The following PCLO variants were observed in gnomAD, a reference collection of about 807,000 sequenced individuals.
The protein encoded by PCLO is piccolo presynaptic cytomatrix protein, also known as protein piccolo.
PCLO carries 82 observed loss-of-function variants against 427.5 expected under a neutral mutation model. That is an observed-to-expected ratio of 0.19 (90% CI 0.16 to 0.23). The LOEUF (loss-of-function observed/expected upper bound fraction) is 0.23, where lower values mean the gene tolerates loss of function less well. PCLO is among the 10% of genes least tolerant of loss of function. PCLO has a pLI of 1.00. For missense variants in PCLO, 6,239 were observed against 6,115.9 expected (o/e 1.02, Z -0.67); for synonymous variants, 2,357 against 2,155.4 (o/e 1.09, Z -2.59).
At chr7:83,037,151 C>T (rs1021430068) in intron 3 of PCLO, among the ~76,000 whole-genome samples, 2 of 152,100 alleles carry the variant, frequency 1.3e-5, no homozygotes, top group African/African-American at 4.8e-5. Flanking sequence ...AGCAGTTAAG[C>T]AAACCAGTTT....
chr7:82,788,488 T>C (rs565714443), intron 22 of PCLO, among the ~76,000 whole-genome samples: 1 of 152,110 alleles, frequency 6.6e-6, no homozygotes, highest in South Asian at 2.1e-4. Context: ...TATAGCAACA[T>C]TTAAGTCTTC....
intron 3 of PCLO, among the ~76,000 whole-genome samples, chr7:83,084,149 A>G (rs1790172591): frequency 6.6e-6 from 1 of 152,158 alleles, no homozygotes. Context: ...AGAAATTCAT[A>G]CATGAAGATG....
At chr7:83,016,502 T>A (rs1788211105) in intron 3 of PCLO, among the ~76,000 whole-genome samples, 1 of 152,032 alleles carries the variant, frequency 6.6e-6, no homozygotes. Context: ...CATTAAAGAA[T>A]GTGTCTTTTG....
chr7:82,807,979 A>G (rs963942657), intron 20 of PCLO, among the ~76,000 whole-genome samples: 3 of 152,026 alleles, frequency 2.0e-5, no homozygotes, highest in Admixed American at 1.3e-4. Flanking sequence ...AAAACTTCTT[A>G]AAAGAATAAT....
chr7:82,843,695 C>G (rs375292728), intron 13 of PCLO, among the ~76,000 whole-genome samples: 1 of 145,396 alleles, frequency 6.9e-6, no homozygotes. Flanking sequence ...GACAGAGTCT[C>G]ACTCTGTCCC....
At chr7:82,868,288 C>T (rs1442254968) in intron 10 of PCLO, 1 of 449,432 alleles carries the variant, frequency 2.2e-6, no homozygotes, top group Non-Finnish European at 4.5e-6. Flanking sequence ...CGTCCTCTGT[C>T]CTCTAGTAAT....
intron 4 of PCLO, among the ~76,000 whole-genome samples, chr7:82,962,157 T>C (rs1204832258): frequency 3.3e-5 from 5 of 152,164 alleles, no homozygotes; most frequent in African/African-American, 1.2e-4. Flanking sequence ...ACCCTAAATA[T>C]AGAACGTGCT....
intron 6 of PCLO, among the ~76,000 whole-genome samples, chr7:82,944,113 C>T (rs1442415101): frequency 1.5e-5 from 2 of 137,076 alleles, no homozygotes; most frequent in African/African-American, 5.7e-5. Context: ...TACACTCCAG[C>T]CTGGGCAACG....
intron 3 of PCLO, among the ~76,000 whole-genome samples, chr7:83,012,097 C>T (rs73387653): frequency 0.022 from 3,406 of 152,024 alleles, 139 homozygotes; most frequent in African/African-American, 0.078. Context: ...CCACTGTTCA[C>T]AAACTCAAAG....
intron 6 of PCLO, among the ~76,000 whole-genome samples, chr7:82,923,205 G>T (rs550889596): frequency 6.6e-6 from 1 of 152,078 alleles, no homozygotes; most frequent in East Asian, 1.9e-4. Context: ...TTAAAGAATG[G>T]ATGGTATTTA....
chr7:83,097,305 G>A lies in PCLO; in HGVS notation c.3300+36945C>T, dbSNP rs568963300. Among the ~76,000 whole-genome samples the A allele has an allele frequency of 2.5e-4, 35 of 142,360 alleles. No homozygotes were observed. In the South Asian group the frequency reaches 5.6e-3, roughly 23 times the overall value. 93.4% of individuals were successfully genotyped at this position (142,360 alleles called of 152,430 possible). A position where few individuals can be genotyped will look rare whatever the true frequency, so the allele number is the denominator to read the frequency against. On this transcript the variant is annotated intron_variant, in intron 3 of 24. Transcript: ENST00000333891. The stretch of plus-strand genomic sequence containing the variant: ...TGGGAGGCTGAGGTGGGCGGATCAC[G>A]AGGTCAGGAGATCAAGACCATCCTG...
At chr7:82,923,497 C>T (rs1335835745) in intron 6 of PCLO, among the ~76,000 whole-genome samples, 1 of 152,064 alleles carries the variant, frequency 6.6e-6, no homozygotes, top group Admixed American at 6.6e-5. Context: ...AAATTAACTC[C>T]AATACCATGT....
At chr7:82,919,089 G>A (rs184985709) in intron 6 of PCLO, among the ~76,000 whole-genome samples, 85 of 152,004 alleles carry the variant, frequency 5.6e-4, no homozygotes, top group African/African-American at 1.9e-3. Context: ...GTGTTTAGGT[G>A]AGAAAAAAGA....
intron 9 of PCLO, among the ~76,000 whole-genome samples, chr7:82,886,947 T>C (rs1348888614): frequency 6.6e-6 from 1 of 152,168 alleles, no homozygotes; most frequent in African/African-American, 2.4e-5. Flanking sequence ...TTTGAACAGA[T>C]GGATTTTATT....
At chr7:83,111,629 G>A (rs7807806) in intron 3 of PCLO, among the ~76,000 whole-genome samples, 6,774 of 152,180 alleles carry the variant, frequency 0.045, 503 homozygotes, top group African/African-American at 0.15. Flanking sequence ...AACTAATTCT[G>A]CCAACAACCT....
At chr7:82,937,479 C>T (rs187681127) in intron 6 of PCLO, among the ~76,000 whole-genome samples, 136 of 151,492 alleles carry the variant, frequency 9.0e-4, no homozygotes, top group Non-Finnish European at 1.0e-4. Context: ...GTATTATTTC[C>T]CTGAACTATT....
intron 3 of PCLO, among the ~76,000 whole-genome samples, chr7:83,116,116 T>C (rs1326234315): frequency 6.6e-6 from 1 of 152,074 alleles, no homozygotes; most frequent in African/African-American, 2.4e-5. Context: ...TTAAGTAGCA[T>C]GAAACTACCA....
At chr7:82,914,276 A>C (rs1454836303) in intron 7 of PCLO, 4 of 396,164 alleles carry the variant, frequency 1.0e-5, no homozygotes, top group South Asian at 5.9e-5. Context: ...TCATGGCTCT[A>C]AACTTTAATA....
intron 3 of PCLO, among the ~76,000 whole-genome samples, chr7:83,078,682 C>T (rs1458750117): frequency 6.6e-6 from 1 of 151,910 alleles, no homozygotes; most frequent in Admixed American, 6.6e-5. Context: ...CAGGTGCACG[C>T]CGCTATGCCC....
Sources: allele counts gnomAD v4.1 joint callset (sites outside exome capture counted in the v4.1 genomes callset), GRCh38; gene constraint gnomAD v4.1.1; transcripts MANE v1.5; gene names NCBI Gene and HGNC (gene_info 2026-07-23, HGNC 2026-07-21).